Variants in FSTL4 observed in about 807,000 individuals in gnomAD.
The protein encoded by FSTL4 is follistatin like 4, also known as follistatin-related protein 4.
In FSTL4, 28 loss-of-function variants were observed where a neutral mutation model predicts 78.2. The ratio of observed to expected loss-of-function variants is 0.36; its 90% CI spans 0.27 to 0.49. The LOEUF (loss-of-function observed/expected upper bound fraction) is 0.49, where lower values mean the gene tolerates loss of function less well. Ranked by LOEUF, FSTL4 falls within the 20% of genes least tolerant of loss-of-function variation. FSTL4 has a pLI of 0.98. For synonymous variants in FSTL4, 422 were observed against 440.5 expected (o/e 0.96, Z 0.53); for missense variants, 922 against 1,084.9 (o/e 0.85, Z 2.11).
At chr5:133,294,215 GT>G (rs1229375780) in intron 6 of FSTL4, among the ~76,000 whole-genome samples, 1 of 152,170 alleles carries the variant, frequency 6.6e-6, no homozygotes, top group Non-Finnish European at 1.5e-5. Context: ...CCATAGAAGA[GT>G]GGACTCCCTG....
At chr5:133,590,194 T>C (rs1370763740) in intron 2 of FSTL4, among the ~76,000 whole-genome samples, 1 of 149,508 alleles carries the variant, frequency 6.7e-6, no homozygotes, top group East Asian at 1.9e-4. Flanking sequence ...CTCTTTATTC[T>C]TATAAGAGAA....
chr5:133,364,021 G>C (rs757834620), intron 4 of FSTL4, among the ~76,000 whole-genome samples: 1 of 152,056 alleles, frequency 6.6e-6, no homozygotes, highest in African/African-American at 2.4e-5. Context: ...CCCACCTCTG[G>C]GCCCTGAATG....
chr5:133,477,810 GTGC>G (rs1757954240), intron 3 of FSTL4, among the ~76,000 whole-genome samples: 2 of 152,092 alleles, frequency 1.3e-5, no homozygotes, highest in South Asian at 4.1e-4. Context: ...TTCCTGAGAA[GTGC>G]CAATTTTCCA....
intron 6 of FSTL4, among the ~76,000 whole-genome samples, chr5:133,255,267 G>T (rs1752356197): frequency 6.6e-6 from 1 of 152,228 alleles, no homozygotes; most frequent in South Asian, 2.1e-4. Flanking sequence ...GGTCAGAGCA[G>T]CCCATCAGGG....
the FSTL4 span, among the ~76,000 whole-genome samples, chr5:133,759,493 C>A: frequency 1.4e-4 from 21 of 152,178 alleles, no homozygotes; most frequent in Admixed American, 1.3e-4. Flanking sequence ...AAATATTTAC[C>A]TACAAAGCTA....
intron 4 of FSTL4, among the ~76,000 whole-genome samples, chr5:133,370,078 G>T (rs977496807): frequency 6.6e-6 from 1 of 152,146 alleles, no homozygotes; most frequent in African/African-American, 2.4e-5. Flanking sequence ...TGGCCACCCA[G>T]CTCTTACTGT....
chr5:133,275,524 C>CA (rs1752863191), intron 6 of FSTL4, among the ~76,000 whole-genome samples: 2 of 150,160 alleles, frequency 1.3e-5, no homozygotes, highest in Admixed American at 1.3e-4. Flanking sequence ...CGTGCCACTG[C>CA]ACTCTAGCCT....
chr5:133,639,585 G>T, the FSTL4 span, among the ~76,000 whole-genome samples: 1 of 152,194 alleles, frequency 6.6e-6, no homozygotes, highest in Non-Finnish European at 1.5e-5. Context: ...AAGTCAGAAG[G>T]TTCCAGGCAG....
chr5:133,245,455 C>G (rs1245775125), intron 7 of FSTL4, among the ~76,000 whole-genome samples: 1 of 152,266 alleles, frequency 6.6e-6, no homozygotes, highest in Non-Finnish European at 1.5e-5. Context: ...TGCTAAGACT[C>G]TTAATGTTAA....
chr5:133,553,813 C>A (rs1759734611), intron 3 of FSTL4, among the ~76,000 whole-genome samples: 1 of 152,218 alleles, frequency 6.6e-6, no homozygotes, highest in South Asian at 2.1e-4. Flanking sequence ...GGACCCCCAT[C>A]ACTAGGATAT....
At chr5:133,678,352 G>A in the FSTL4 span, among the ~76,000 whole-genome samples, 1 of 152,196 alleles carries the variant, frequency 6.6e-6, no homozygotes, top group Non-Finnish European at 1.5e-5. Context: ...GACTTGGGGA[G>A]TGGCAGTAAA....
chr5:133,469,619 AG>A (rs1185332884), intron 3 of FSTL4, among the ~76,000 whole-genome samples: 1 of 152,202 alleles, frequency 6.6e-6, no homozygotes, highest in African/African-American at 2.4e-5. Context: ...ACAAAAGGAG[AG>A]GGTTCAAAAT....
chr5:133,198,916 C>T lies in FSTL4; in HGVS notation c.*179G>A. ...TAAATCATACTTCCTAACGAAAAAA[C>T]CCCAATCTTGGTAGCAGCGCATACC... On this transcript the variant is annotated 3_prime_UTR_variant, in exon 16 of 16. Coordinates refer to ENST00000265342, the MANE Select transcript of FSTL4 (RefSeq NM_015082.2). The T allele has an allele frequency of 2.1e-6, 1 of 479,350 alleles. No individual in the cohort carries two copies. Among genetic ancestry groups the T allele is most frequent in the African/African-American group, 1.9e-5 (1 of 52,566 alleles). 29.7% of individuals were successfully genotyped at this position (479,350 alleles called of 1,614,324 possible). A position where few individuals can be genotyped will look rare whatever the true frequency, so the allele number is the denominator to read the frequency against.
At chr5:133,837,803 C>T in the FSTL4 span, among the ~76,000 whole-genome samples, 2 of 152,164 alleles carry the variant, frequency 1.3e-5, no homozygotes, top group Non-Finnish European at 2.9e-5. Context: ...CTCTCAGCAG[C>T]TGCATTCACG....
chr5:133,656,582 C>G, the FSTL4 span, among the ~76,000 whole-genome samples: 2 of 152,190 alleles, frequency 1.3e-5, no homozygotes, highest in Admixed American at 1.3e-4. Flanking sequence ...AGGGACATCA[C>G]ACGTCAAGTC....
chr5:133,316,399 G>A, intron 5 of FSTL4, 60 bp downstream of exon 5: 1 of 1,337,588 alleles, frequency 7.5e-7, no homozygotes, highest in Non-Finnish European at 1.1e-6. Context: ...AGGGGGCCGG[G>A]GTGGGAAATG....
chr5:133,205,904 T>C (rs193191947), intron 14 of FSTL4, among the ~76,000 whole-genome samples: 1 of 152,314 alleles, frequency 6.6e-6, no homozygotes, highest in East Asian at 1.9e-4. Flanking sequence ...AATTAGGAAA[T>C]GAGTCGGAGT....
chr5:133,713,503 G>C, the FSTL4 span, among the ~76,000 whole-genome samples: 2 of 152,208 alleles, frequency 1.3e-5, no homozygotes, highest in Non-Finnish European at 2.9e-5. Flanking sequence ...GAGATTGAAA[G>C]AGGGACAATA....
At chr5:133,642,699 ACAG>A in the FSTL4 span, among the ~76,000 whole-genome samples, 2 of 152,224 alleles carry the variant, frequency 1.3e-5, no homozygotes, top group Admixed American at 1.3e-4. Context: ...CTCTGTCTGC[ACAG>A]CAGGACAGAG....
Sources: gnomAD v4.1 joint callset for allele counts (sites outside exome capture counted in the v4.1 genomes callset) on GRCh38, gnomAD v4.1.1 for gene constraint, MANE v1.5 for transcripts, NCBI Gene and HGNC (gene_info 2026-07-23, HGNC 2026-07-21) for gene names.